Variants in TBC1D5 observed in about 807,000 individuals in gnomAD.
The protein encoded by TBC1D5 is TBC1 domain family, member 5.
TBC1D5 carries 75 observed loss-of-function variants against 100.3 expected under a neutral mutation model. The observed-to-expected ratio is 0.75, with a 90% CI of 0.62 to 0.91. The LOEUF (loss-of-function observed/expected upper bound fraction) is 0.91, where lower values mean the gene tolerates loss of function less well. TBC1D5 is among the 40% of genes least tolerant of loss of function. TBC1D5 has a pLI of 0.00. For missense variants in TBC1D5, 910 were observed against 942.4 expected, an observed-to-expected ratio of 0.97 and a Z score of 0.45; for synonymous variants, 323 against 325.6, an observed-to-expected ratio of 0.99 and a Z score of 0.09.
At chr3:17,335,888 C>A (rs929335285) in intron 13 of TBC1D5, among the ~76,000 whole-genome samples, 3 of 151,982 alleles carry the variant, frequency 2.0e-5, no homozygotes, top group African/African-American at 7.2e-5. Context: ...TTATAGTGCC[C>A]AAATAAGTAT....
rs546106252 is a variant in TBC1D5, at chr3:17,580,516, A to G, written c.-36+43333T>C. On this transcript the variant is annotated intron_variant, in intron 2 of 21. Coordinates refer to ENST00000253692, the Ensembl canonical transcript of TBC1D5. ...CTCCGCCTTCCTTCTTATTAAGAATAAACCATCCATGCTGCTACTTAAGGT... is the reference window on the plus strand; with the variant it reads ...CTCCGCCTTCCTTCTTATTAAGAATGAACCATCCATGCTGCTACTTAAGGT... 2.0e-5 allele frequency among the ~76,000 whole-genome samples: 3 copies of G among 152,324 alleles called. No individual in the cohort carries two copies. In the South Asian group the frequency reaches 6.2e-4, roughly 32 times the overall value.
exon 8 of TBC1D5, chr3:17,403,245 G>A: frequency 6.3e-7 from 1 of 1,585,586 alleles, no homozygotes; most frequent in Non-Finnish European, 8.6e-7. Flanking sequence ...TTGTTCCAAA[G>A]ACTCTGAAAT....
At chr3:17,455,561 T>C (rs915422622) in intron 3 of TBC1D5, among the ~76,000 whole-genome samples, 116 of 148,804 alleles carry the variant, frequency 7.8e-4, no homozygotes, top group Non-Finnish European at 1.5e-3. Flanking sequence ...TATATAGGTC[T>C]GGTGCAGTGG....
At chr3:17,333,287 T>A (rs745562389) in intron 13 of TBC1D5, 1 of 152,282 alleles carries the variant, frequency 6.6e-6, no homozygotes, top group Non-Finnish European at 1.5e-5. Context: ...AAAGTTTTTA[T>A]ACATATACAG....
chr3:17,508,420 C>CT (rs2095866000), intron 3 of TBC1D5, 54 bp downstream of exon 3: 2 of 1,426,442 alleles, frequency 1.4e-6, no homozygotes, highest in Non-Finnish European at 9.9e-7. Flanking sequence ...TGAGGGCCCT[C>CT]TGCTAGGTTT....
intron 13 of TBC1D5, among the ~76,000 whole-genome samples, chr3:17,343,032 C>T (rs991343491): frequency 2.0e-5 from 3 of 152,080 alleles, no homozygotes; most frequent in South Asian, 4.1e-4. Context: ...AGAGGGCATC[C>T]CTGTCTTGTG....
At chr3:17,454,317 T>C (rs2094998951) in intron 3 of TBC1D5, among the ~76,000 whole-genome samples, 1 of 151,888 alleles carries the variant, frequency 6.6e-6, no homozygotes. Context: ...AATTGGAAAA[T>C]AAAACAGCAA....
At chr3:17,371,371 C>T (rs1345039523) in intron 13 of TBC1D5, among the ~76,000 whole-genome samples, 1 of 152,196 alleles carries the variant, frequency 6.6e-6, no homozygotes, top group Non-Finnish European at 1.5e-5. Flanking sequence ...CAATGATCTG[C>T]TGTTACCAGC....
chr3:17,169,267 G>A (rs1246683480), intron 19 of TBC1D5, among the ~76,000 whole-genome samples: 1 of 152,160 alleles, frequency 6.6e-6, no homozygotes, highest in East Asian at 1.9e-4. Flanking sequence ...ATAATGCCTG[G>A]TGCATTACAG....
chr3:17,478,431 T>A (rs1475034931), intron 3 of TBC1D5, among the ~76,000 whole-genome samples: 1 of 152,206 alleles, frequency 6.6e-6, no homozygotes, highest in East Asian at 1.9e-4. Context: ...AGTCTTCTAA[T>A]CCATGAACAT....
In TBC1D5 at chr3:17,388,686, A is replaced by C. The variant is rs999309562; in HGVS notation, c.510-4671T>G. On this transcript the variant is annotated intron_variant, in intron 8 of 21. Transcript: ENST00000253692. The stretch of plus-strand genomic sequence containing the variant: ...CAACATAGCGAGACCCTGCCTTTAC[A>C]AAAAAAAAAAAAAAAAGTAAAAGTA... Among the ~76,000 whole-genome samples the C allele has an allele frequency of 3.2e-3, 123 of 38,988 alleles. No homozygotes were observed. The African/African-American group carries it at 0.032, about 10-fold the overall frequency. The allele number at this position is 38,988 out of a possible 152,430, so 25.6% of individuals were successfully genotyped here.
intron 2 of TBC1D5, among the ~76,000 whole-genome samples, chr3:17,530,348 T>C (rs922998180): frequency 2.7e-5 from 4 of 147,498 alleles, no homozygotes; most frequent in Non-Finnish European, 6.0e-5. Context: ...CGATGGGGGG[T>C]TGGGGGGTGG....
intron 2 of TBC1D5, among the ~76,000 whole-genome samples, chr3:17,534,355 T>C (rs375285000): frequency 6.6e-6 from 1 of 152,196 alleles, no homozygotes; most frequent in Non-Finnish European, 1.5e-5. Context: ...TTGGCAAGCA[T>C]GTGTGCTACC....
intron 2 of TBC1D5, among the ~76,000 whole-genome samples, chr3:17,572,685 T>C (rs1018474837): frequency 5.3e-5 from 8 of 152,208 alleles, no homozygotes; most frequent in African/African-American, 1.2e-4. Flanking sequence ...GCACATTACA[T>C]AGAGATGTCA....
At chr3:17,460,403 T>C (rs555825968) in intron 3 of TBC1D5, among the ~76,000 whole-genome samples, 1 of 152,354 alleles carries the variant, frequency 6.6e-6, no homozygotes, top group South Asian at 2.1e-4. Flanking sequence ...AAACAATTCC[T>C]ATTTCTGTAG....
intron 13 of TBC1D5, among the ~76,000 whole-genome samples, chr3:17,319,380 C>G (rs2085084744): frequency 6.6e-6 from 1 of 151,468 alleles, no homozygotes; most frequent in Non-Finnish European, 1.5e-5. Context: ...AATTCTTTTA[C>G]TGTCTGTGAA....
At chr3:17,518,449 C>T (rs1054577240) in intron 2 of TBC1D5, among the ~76,000 whole-genome samples, 1 of 152,162 alleles carries the variant, frequency 6.6e-6, no homozygotes, top group African/African-American at 2.4e-5. Context: ...GCTTGCATAA[C>T]TTTGGAGAAT....
intron 13 of TBC1D5, among the ~76,000 whole-genome samples, chr3:17,310,080 G>A (rs1430334576): frequency 6.6e-6 from 1 of 151,852 alleles, no homozygotes; most frequent in Non-Finnish European, 1.5e-5. Flanking sequence ...AGTGCTTTAA[G>A]CACAACAACA....
At chr3:17,571,372 C>T (rs2096626117) in intron 2 of TBC1D5, among the ~76,000 whole-genome samples, 1 of 151,896 alleles carries the variant, frequency 6.6e-6, no homozygotes, top group Admixed American at 6.6e-5. Flanking sequence ...TTCAAAATAC[C>T]ACTATTTTGT....
Sources: gnomAD v4.1 joint callset for allele counts (sites outside exome capture counted in the v4.1 genomes callset) on GRCh38, gnomAD v4.1.1 for gene constraint, MANE v1.5 for transcripts, NCBI Gene and HGNC (gene_info 2026-07-23, HGNC 2026-07-21) for gene names.